Variants in CFAP65 observed in about 807,000 individuals in gnomAD.
CFAP65 encodes cilia- and flagella-associated protein 65.
Under a neutral mutation model 208.0 loss-of-function variants are expected in CFAP65, and 155 were observed. That is an observed-to-expected ratio of 0.75 (90% confidence interval 0.65 to 0.85). CFAP65 has a LOEUF of 0.85. Ranked by LOEUF, CFAP65 falls within the 40% of genes least tolerant of loss-of-function variation. The pLI is 0.00. For missense variants in CFAP65, 2,294 were observed against 2,451.3 expected (o/e 0.94, Z 1.36); for synonymous variants, 970 against 986.3 (o/e 0.98, Z 0.31).
At chr2:219,009,700 A>G (rs1438354540) in intron 27 of CFAP65, among the ~76,000 whole-genome samples, 24 of 33,824 alleles carry the variant, frequency 7.1e-4, no homozygotes, top group South Asian at 1.8e-3. Flanking sequence ...GTGGGATGGG[A>G]TGGAGTGGGG....
chr2:219,040,622 T>C (rs2106286421), intron 1 of CFAP65, 58 bp from the exon 2 acceptor site: 1 of 1,552,106 alleles, frequency 6.4e-7, no homozygotes, highest in Middle Eastern at 1.7e-4. Flanking sequence ...CTTGCAGCCC[T>C]GTCCTGACTC....
rs773071190 is a variant in CFAP65 at position 219,006,458 on chromosome 2, G to A, written c.4719+7C>T. 39 of 1,613,296 alleles carry A rather than the reference G, an allele frequency of 2.4e-5. No individual in the cohort carries two copies. Among genetic ancestry groups the A allele is most frequent in the Non-Finnish European group, 3.1e-5 (37 of 1,179,910 alleles). ...CAAGAAGATGGGCCTGGGGCTCGCC[G>A]CCTCACCTTGTACTTCCTCGCAGGT... On this transcript the variant is annotated splice_region_variant and intron_variant, in intron 30 of 34. Transcript: ENST00000341552.
chr2:219,010,568 G>C lies in CFAP65; in HGVS notation c.4286C>G (p.Ser1429Cys), dbSNP rs1397309949. Residue 1429 changes from serine (S) to cysteine (C), a missense_variant, in exon 26 of 35, where the codon TCT (serine) becomes TGT (cysteine). Ser to Cys is a moderately radical substitution (Grantham distance 112). Around this residue, in one of 2 missense-constraint regions of CFAP65, gnomAD observed 1,427 missense variants for 1,438.7 expected, o/e 0.99. Transcript: ENST00000341552. ...ISSWDNSSIH[S>C]RLVVPGQNVF... ...CACCTGTCCAGGCACCACCAGCCTA[G>C]AGTGTATGGAACTGTTGTCCCACGA... 1.9e-6 allele frequency: 3 copies of C among 1,611,028 alleles called. No individual in the cohort carries two copies. The highest frequency in any genetic ancestry group is 1.3e-5 in the African/African-American group (1 of 74,836).
chr2:219,030,346 G>C, intron 9 of CFAP65, 138 bp from the exon 10 acceptor site: 1 of 903,252 alleles, frequency 1.1e-6, no homozygotes, highest in Non-Finnish European at 1.7e-6. Flanking sequence ...CCACTGGCCA[G>C]ACTGCCTCCA....
At chr2:219,040,654 G>A in intron 1 of CFAP65, 90 bp from the exon 2 acceptor site, 1 of 1,547,162 alleles carries the variant, frequency 6.5e-7, no homozygotes, top group Non-Finnish European at 8.7e-7. Context: ...TGACCTCAGG[G>A]GACTGTACAG....
At chr2:219,023,639 G>T (rs530812503) in intron 15 of CFAP65, among the ~76,000 whole-genome samples, 100 of 152,346 alleles carry the variant, frequency 6.6e-4, no homozygotes, top group African/African-American at 2.4e-3. Context: ...AGAACTCAGG[G>T]ACTGAGAGAG....
chr2:219,036,357 T>G (rs1172587586), intron 4 of CFAP65, among the ~76,000 whole-genome samples: 2 of 151,856 alleles, frequency 1.3e-5, no homozygotes. Context: ...GAAACCCCCC[T>G]GGGGCAGTAA....
intron 14 of CFAP65, among the ~76,000 whole-genome samples, chr2:219,025,499 C>G (rs1191211073): frequency 6.6e-6 from 1 of 152,152 alleles, no homozygotes. Flanking sequence ...GCCCCAGGCT[C>G]TGTGCTTTTC....
chr2:219,020,955 C>T (rs139580354), intron 19 of CFAP65, among the ~76,000 whole-genome samples, 197 bp downstream of exon 19: 136 of 152,334 alleles, frequency 8.9e-4, no homozygotes, highest in African/African-American at 3.2e-3. Flanking sequence ...GCACTGGGCA[C>T]ATGCACATAT....
In CFAP65 at chr2:219,021,170, A is replaced by C; in HGVS notation, c.3241T>G (p.Ser1081Ala). Residue 1081 changes from serine to alanine, a missense_variant, in exon 19 of 35, where the codon TCT (serine) becomes GCT (alanine). By Grantham distance (99) the Ser-to-Ala change is moderately conservative (BLOSUM62 1). Around this residue, in one of 2 missense-constraint regions of CFAP65, gnomAD observed 1,427 missense variants for 1,438.7 expected, o/e 0.99. Transcript: ENST00000341552. ...TAGGTACCTCTGTGGGAAAGGAGAG[A>C]GTAGGTGATGGTCCAGGAGTACTGG... Reference protein sequence around the residue: ...RSQYSWTITYSLLSHRDNKAG... With the variant: ...RSQYSWTITYALLSHRDNKAG... 6.3e-7 allele frequency: 1 copy of C among 1,581,352 alleles called. No homozygotes were observed. Among genetic ancestry groups the C allele is most frequent in the African/African-American group, 1.4e-5 (1 of 73,794 alleles).
intron 31 of CFAP65, 101 bp downstream of exon 31, chr2:219,005,920 T>C: frequency 8.3e-7 from 1 of 1,201,328 alleles, no homozygotes; most frequent in Admixed American, 2.1e-5. Context: ...CTGCCCATGC[T>C]CCACCCCTCA....
rs1399367375 is a variant in CFAP65, at chr2:219,029,423, C to T, written c.1630G>A (p.Ala544Thr). The T allele has an allele frequency of 1.9e-6, 3 of 1,613,606 alleles. No homozygotes were observed. Among genetic ancestry groups the T allele is most frequent in the Non-Finnish European group, 2.5e-6 (3 of 1,179,790 alleles). ...CTCACCTGGTGGTGGATGAGACAGG[C>T]CACACGCCGAAAGCAGATGATGGGG... ...THPIICFRRVACLIHHQDPLF... is the reference protein window; with the variant it reads ...THPIICFRRVTCLIHHQDPLF... Residue 544 changes from alanine (A) to threonine (T), a missense_variant, in exon 11 of 35, where the codon GCC (alanine) becomes ACC (threonine). Transcript: ENST00000341552.
chr2:219,012,150 T>C (rs897860141), intron 24 of CFAP65, among the ~76,000 whole-genome samples: 2 of 152,338 alleles, frequency 1.3e-5, no homozygotes, highest in East Asian at 1.9e-4. Context: ...TAAATTACAA[T>C]AAATTATAAT....
chr2:219,026,290 G>A (rs2106200854), intron 13 of CFAP65, 131 bp from the exon 14 acceptor site: 2 of 963,600 alleles, frequency 2.1e-6, no homozygotes, highest in East Asian at 2.7e-5. Context: ...GCCTCCCTGG[G>A]AAGACAGTGC....
At chr2:219,024,368 A>C in intron 14 of CFAP65, 108 bp from the exon 15 acceptor site, 1 of 1,394,764 alleles carries the variant, frequency 7.2e-7, no homozygotes, top group Non-Finnish European at 9.7e-7. Flanking sequence ...AGTAGATCAG[A>C]GGTGCTGCCC....
intron 20 of CFAP65, 82 bp downstream of exon 20, chr2:219,019,424 G>A (rs1947124928): frequency 1.6e-6 from 2 of 1,248,122 alleles, no homozygotes; most frequent in Admixed American, 4.6e-5. Context: ...TCCTTGTTCT[G>A]GGAGTCTGGG....
chr2:219,030,353 TC>T, intron 9 of CFAP65, 145 bp from the exon 10 acceptor site: 1 of 876,626 alleles, frequency 1.1e-6, no homozygotes, highest in Non-Finnish European at 1.8e-6. Context: ...CCAGACTGCC[TC>T]CACCAGGAGG....
intron 19 of CFAP65, among the ~76,000 whole-genome samples, chr2:219,020,778 C>G (rs1440712360): frequency 1.3e-5 from 2 of 152,242 alleles, no homozygotes; most frequent in Non-Finnish European, 2.9e-5. Flanking sequence ...TCCAGAGCCT[C>G]TGGCCCCAGT....
intron 1 of CFAP65, 147 bp downstream of exon 1, chr2:219,041,341 A>T: frequency 1.4e-6 from 1 of 725,100 alleles, no homozygotes; most frequent in South Asian, 1.7e-5. Context: ...CCCAAGACTC[A>T]GTCCCATGGG....
Sources: allele counts gnomAD v4.1 joint callset (sites outside exome capture counted in the v4.1 genomes callset), GRCh38; gene constraint gnomAD v4.1.1; regional missense constraint gnomAD v4.1.1; transcripts MANE v1.5; gene names NCBI Gene and HGNC (gene_info 2026-07-23, HGNC 2026-07-21).